SASS6: variants seen among roughly 807,000 people sequenced by gnomAD.
SASS6 encodes SAS-6 centriolar assembly protein.
In SASS6, 59 loss-of-function variants were observed where a neutral mutation model predicts 94.9. That is an observed-to-expected ratio of 0.62 (90% CI 0.50 to 0.77). The LOEUF (loss-of-function observed/expected upper bound fraction) is 0.77, where lower values mean the gene tolerates loss of function less well. Among genes scored for constraint, SASS6 ranks in the 30% least tolerant of loss-of-function variants. The pLI, the probability that SASS6 is intolerant of heterozygous loss-of-function variation, is 0.00. For missense variants in SASS6, 698 were observed against 734.1 expected, an observed-to-expected ratio of 0.95 and a Z score of 0.57; for synonymous variants, 264 against 270.0, an observed-to-expected ratio of 0.98 and a Z score of 0.22.
intron 7 of SASS6, among the ~76,000 whole-genome samples, chr1:100,113,867 C>T (rs555797907): frequency 6.6e-6 from 1 of 151,964 alleles, no homozygotes; most frequent in East Asian, 1.9e-4. Context: ...TATTTAAACA[C>T]ACAGATAACA....
chr1:100,121,033 G>C (rs1343457859), intron 5 of SASS6, among the ~76,000 whole-genome samples: 3 of 139,786 alleles, frequency 2.1e-5, no homozygotes, highest in Non-Finnish European at 3.1e-5. Flanking sequence ...CTGGGCGACA[G>C]AGCGAGACTC....
rs548227830 is a variant in SASS6 at position 100,096,694 on chromosome 1, C to A, written c.1674+6261G>T. ...AACTTATAATTCAATAAAAAGACAA[C>A]CTTGTTTAGCAATGGTCAAAAGATT... On this transcript the variant is annotated intron_variant, in intron 14 of 16. Coordinates refer to ENST00000287482, the MANE Select transcript of SASS6 (RefSeq NM_194292.3). Among the ~76,000 whole-genome samples, 3 of 152,290 alleles carry A rather than the reference C, an allele frequency of 2.0e-5. No individual in the cohort carries two copies. In the Middle Eastern group the frequency reaches 0.01, roughly 518 times the overall value.
intron 4 of SASS6, among the ~76,000 whole-genome samples, chr1:100,122,045 G>A (rs970916410): frequency 5.3e-5 from 8 of 151,792 alleles, no homozygotes; most frequent in African/African-American, 1.7e-4. Flanking sequence ...AAAGGTTGAT[G>A]GTGAACTTTA....
At chr1:100,104,890 C>T (rs537209421) in intron 13 of SASS6, among the ~76,000 whole-genome samples, 1 of 151,806 alleles carries the variant, frequency 6.6e-6, no homozygotes, top group East Asian at 2.0e-4. Flanking sequence ...GAGGTCAAGG[C>T]TGCCATGAGC....
intron 4 of SASS6, 125 bp from the exon 5 acceptor site, chr1:100,121,674 A>C: frequency 1.7e-6 from 1 of 580,122 alleles, no homozygotes; most frequent in Non-Finnish European, 3.0e-6. Context: ...CCAATGGTAA[A>C]AGATAAATTG....
At chr1:100,119,432 C>T (rs1352171236) in intron 6 of SASS6, among the ~76,000 whole-genome samples, 1 of 152,114 alleles carries the variant, frequency 6.6e-6, no homozygotes, top group Non-Finnish European at 1.5e-5. Flanking sequence ...GGAAGCAAGT[C>T]GATTATAAGG....
intron 7 of SASS6, among the ~76,000 whole-genome samples, chr1:100,117,024 T>C (rs1250349817): frequency 6.6e-6 from 1 of 152,168 alleles, no homozygotes; most frequent in Non-Finnish European, 1.5e-5. Context: ...CTGGGCACAG[T>C]GGCTCACGCC....
At chr1:100,105,736 A>G in intron 13 of SASS6, 31 bp downstream of exon 13, 1 of 1,595,800 alleles carries the variant, frequency 6.3e-7, no homozygotes, top group Non-Finnish European at 8.5e-7. Flanking sequence ...GAAATTCACT[A>G]AGATCACTCA....
chr1:100,099,322 G>T (rs74102352), intron 14 of SASS6: 2,749 of 153,760 alleles, frequency 0.018, 63 homozygotes, highest in Middle Eastern at 0.064. Flanking sequence ...GTGTCAGGAG[G>T]ATAAGAGATT....
rs962323433 is a variant in SASS6, at chr1:100,083,613, G to GAAAT, written c.*1711_*1714dup. 6 of 151,972 alleles carry GAAAT rather than the reference G, an allele frequency of 3.9e-5. No homozygotes were observed. Among genetic ancestry groups the GAAAT allele is most frequent in the African/African-American group, 1.4e-4 (6 of 41,400 alleles). 9.4% of individuals were successfully genotyped at this position (151,972 alleles called of 1,614,324 possible). ...TTATTAACAAAGCTCAAAGTTTACA[G>GAAAT]AAATAACATTAAATGCAACACTTTT... On this transcript the variant is annotated 3_prime_UTR_variant, in exon 17 of 17. Coordinates refer to ENST00000287482, the MANE Select transcript of SASS6 (RefSeq NM_194292.3).
chr1:100,122,803 G>A (rs994788493), intron 3 of SASS6, among the ~76,000 whole-genome samples: 3 of 151,770 alleles, frequency 2.0e-5, no homozygotes, highest in Non-Finnish European at 4.4e-5. Flanking sequence ...CGCCCTCTTC[G>A]GCCGCCCAAA....
intron 8 of SASS6, among the ~76,000 whole-genome samples, chr1:100,109,033 G>A (rs1212654373): frequency 6.6e-6 from 1 of 151,750 alleles, no homozygotes; most frequent in African/African-American, 2.4e-5. Context: ...GAAAATCTTG[G>A]AGGAAATATT....
chr1:100,130,288 G>C (rs1030041487), intron 1 of SASS6, among the ~76,000 whole-genome samples: 8 of 152,182 alleles, frequency 5.3e-5, no homozygotes, highest in African/African-American at 1.9e-4. Flanking sequence ...GGGACGGAGA[G>C]GGGGGTGCGT....
intron 5 of SASS6, 81 bp downstream of exon 5, chr1:100,121,297 T>A: frequency 1.3e-6 from 1 of 769,930 alleles, no homozygotes; most frequent in Non-Finnish European, 2.0e-6. Flanking sequence ...CAAAAACTTA[T>A]GGCAATGTAT....
chr1:100,111,328 T>C (rs1249835311), intron 7 of SASS6, among the ~76,000 whole-genome samples: 1 of 152,000 alleles, frequency 6.6e-6, no homozygotes, highest in African/African-American at 2.4e-5. Context: ...TTTATACAAT[T>C]TAATCACACT....
At chr1:100,096,243 A>C (rs1176204433) in intron 14 of SASS6, among the ~76,000 whole-genome samples, 3 of 152,224 alleles carry the variant, frequency 2.0e-5, no homozygotes, top group African/African-American at 7.2e-5. Context: ...AAATCCTTAC[A>C]TGGTCAACTG....
intron 7 of SASS6, among the ~76,000 whole-genome samples, chr1:100,114,096 T>C (rs1195965977): frequency 6.6e-6 from 1 of 151,574 alleles, no homozygotes; most frequent in Non-Finnish European, 1.5e-5. Flanking sequence ...GAAGAGAAAA[T>C]TTAAACAGAC....
chr1:100,105,435 G>C (rs1474522598), intron 13 of SASS6, among the ~76,000 whole-genome samples: 1 of 152,074 alleles, frequency 6.6e-6, no homozygotes, highest in East Asian at 1.9e-4. Flanking sequence ...GCTGAGGCAG[G>C]AGAATGGTGT....
intron 14 of SASS6, among the ~76,000 whole-genome samples, chr1:100,100,691 A>G (rs1652412390): frequency 6.6e-6 from 1 of 152,238 alleles, no homozygotes; most frequent in South Asian, 2.1e-4. Flanking sequence ...CAATCTTGAC[A>G]GTAACATTTT....
Sources: gnomAD v4.1 joint callset for allele counts (sites outside exome capture counted in the v4.1 genomes callset) on GRCh38, gnomAD v4.1.1 for gene constraint, MANE v1.5 for transcripts, NCBI Gene and HGNC (gene_info 2026-07-23, HGNC 2026-07-21) for gene names.